Variants in KLHL20 observed in about 807,000 individuals in gnomAD.
The protein encoded by KLHL20 is kelch-like protein 20.
In KLHL20, 29 loss-of-function variants were observed where a neutral mutation model predicts 69.5. The ratio of observed to expected loss-of-function variants is 0.42; its 90% CI spans 0.31 to 0.57. The LOEUF (loss-of-function observed/expected upper bound fraction) is 0.57. Among genes scored for constraint, KLHL20 ranks in the 20% least tolerant of loss-of-function variants. The probability of loss-of-function intolerance (pLI) is 0.18; values close to 1 mark genes in which losing one functional copy is unlikely to be tolerated. For synonymous variants in KLHL20, 253 were observed against 265.2 expected (o/e 0.95, Z 0.45); for missense variants, 419 against 776.0 (o/e 0.54, Z 5.47).
chr1:173,737,518 G>A (rs1672592546), intron 3 of KLHL20, among the ~76,000 whole-genome samples: 1 of 152,190 alleles, frequency 6.6e-6, no homozygotes, highest in Non-Finnish European at 1.5e-5. Context: ...CTTTGTCAAA[G>A]ATCAGTTGGC....
chr1:173,769,111 C>G (rs1050266179), intron 8 of KLHL20, among the ~76,000 whole-genome samples: 2 of 152,294 alleles, frequency 1.3e-5, no homozygotes, highest in South Asian at 4.1e-4. Context: ...ACACTACTGG[C>G]GTTTTGGGTC....
At chr1:173,773,945 G>A (rs1273520976) in intron 8 of KLHL20, among the ~76,000 whole-genome samples, 1 of 151,010 alleles carries the variant, frequency 6.6e-6, no homozygotes, top group African/African-American at 2.4e-5. Context: ...CCCAGGAGGC[G>A]GAGCTTGCAG....
intron 5 of KLHL20, among the ~76,000 whole-genome samples, chr1:173,753,705 A>T (rs1673409140): frequency 6.6e-6 from 1 of 152,198 alleles, no homozygotes; most frequent in Non-Finnish European, 1.5e-5. Context: ...GGGGAATAGA[A>T]TCAGCCTTGC....
intron 3 of KLHL20, among the ~76,000 whole-genome samples, chr1:173,742,738 GTA>G (rs932144602): frequency 2.0e-5 from 3 of 150,388 alleles, no homozygotes; most frequent in African/African-American, 7.3e-5. Context: ...ATACATGTGT[GTA>G]TATATGTAAA....
chr1:173,778,666 T>G (rs1258720142), intron 10 of KLHL20, among the ~76,000 whole-genome samples: 1 of 152,104 alleles, frequency 6.6e-6, no homozygotes, highest in Non-Finnish European at 1.5e-5. Context: ...TCCGTTCAAG[T>G]TTTAGATTTC....
rs182351905 is a variant in KLHL20 at position 173,742,878 on chromosome 1, C to T, written c.597+8592C>T. Among the ~76,000 whole-genome samples, 315 of 151,576 alleles carry T rather than the reference C, an allele frequency of 2.1e-3. 1 individual carries two copies. The highest frequency in any genetic ancestry group is 7.1e-3 in the African/African-American group (292 of 41,412). On this transcript the variant is annotated intron_variant, in intron 3 of 11. Coordinates refer to ENST00000209884, the MANE Select transcript of KLHL20 (RefSeq NM_014458.4). ...CATTTTGGTACTACAGAAGAATCTACGCAGGATGCAATCCAGACACCATAA... is the reference window on the plus strand; with the variant it reads ...CATTTTGGTACTACAGAAGAATCTATGCAGGATGCAATCCAGACACCATAA...
rs1673585856 is a variant in KLHL20, at chr1:173,757,162, G to A, written c.1151+3G>A. On this transcript the variant is annotated splice_donor_region_variant and intron_variant, in intron 7 of 11. Transcript: ENST00000209884. ...TCTTATCTCAATAGTGTTGAAAGGTGAGTAAGGTCAATCTGTAATTTTCTC... is the reference window on the plus strand; with the variant it reads ...TCTTATCTCAATAGTGTTGAAAGGTAAGTAAGGTCAATCTGTAATTTTCTC... The A allele has an allele frequency of 6.3e-7, 1 of 1,597,914 alleles. No individual in the cohort carries two copies. Among genetic ancestry groups the A allele is most frequent in the Non-Finnish European group, 8.6e-7 (1 of 1,169,352 alleles).
At chr1:173,744,676 A>G (rs1054775671) in intron 3 of KLHL20, among the ~76,000 whole-genome samples, 1 of 152,132 alleles carries the variant, frequency 6.6e-6, no homozygotes, top group Non-Finnish European at 1.5e-5. Flanking sequence ...CCAAATGGCC[A>G]TCTAGTCTAA....
At chr1:173,776,767 C>T (rs1648500751) in intron 10 of KLHL20, among the ~76,000 whole-genome samples, 1 of 152,254 alleles carries the variant, frequency 6.6e-6, no homozygotes. Flanking sequence ...CCATTCTGTT[C>T]CATTGGTCTA....
chr1:173,734,322 T>C (rs778426018), intron 3 of KLHL20, 36 bp downstream of exon 3: 2 of 1,574,716 alleles, frequency 1.3e-6, no homozygotes, highest in Non-Finnish European at 8.7e-7. Context: ...CACCCATTTG[T>C]TGGAGAGCAA....
chr1:173,741,595 C>A (rs912691450), intron 3 of KLHL20: 1 of 427,554 alleles, frequency 2.3e-6, no homozygotes. Context: ...ATAAAAATTA[C>A]AAGACAAAAG....
rs1648312552 is a variant in KLHL20 at position 173,774,391 on chromosome 1, T to A, written c.1382T>A (p.Phe461Tyr). 1 of 1,613,986 alleles carries A rather than the reference T, an allele frequency of 6.2e-7. No individual in the cohort carries two copies. Among genetic ancestry groups the A allele is most frequent in the Admixed American group, 1.7e-5 (1 of 59,980 alleles). ...LGVAVAVLGG[F>Y]LYAVGGSDGT... is the part of the protein sequence containing the mutation. ...GTGGCTGTGGCTGTGTTAGGAGGGT[T>A]CTTATATGCTGTAGGTGGCTCTGAC... is the stretch of plus-strand genomic sequence containing the variant. Residue 461 changes from phenylalanine (F) to tyrosine (Y), a missense_variant, in exon 9 of 12, where the codon TTC becomes TAC. Transcript: ENST00000209884.
chr1:173,732,306 C>A (rs1672323413), intron 2 of KLHL20, among the ~76,000 whole-genome samples: 1 of 151,988 alleles, frequency 6.6e-6, no homozygotes, highest in Non-Finnish European at 1.5e-5. Flanking sequence ...GTGAGACCCT[C>A]ATCTCAAAAA....
chr1:173,729,118 A>G (rs145508490), intron 2 of KLHL20, among the ~76,000 whole-genome samples: 9,287 of 152,228 alleles, frequency 0.061, 1,000 homozygotes, highest in African/African-American at 0.21. Context: ...ATAAACTAGA[A>G]AATCTAGAAA....
intron 2 of KLHL20, among the ~76,000 whole-genome samples, chr1:173,727,077 C>T (rs967550873): frequency 1.2e-4 from 18 of 151,986 alleles, no homozygotes; most frequent in African/African-American, 3.1e-4. Flanking sequence ...TGAAAACCAC[C>T]GCACGAGAAC....
chr1:173,781,170 T>C (rs547997451), intron 10 of KLHL20, among the ~76,000 whole-genome samples: 1 of 152,152 alleles, frequency 6.6e-6, no homozygotes, highest in South Asian at 2.1e-4. Context: ...ACTGCAGCAA[T>C]AGGATTCATT....
intron 4 of KLHL20, among the ~76,000 whole-genome samples, chr1:173,752,996 C>T (rs1490740893): frequency 4.6e-5 from 7 of 151,608 alleles, no homozygotes; most frequent in Non-Finnish European, 7.4e-5. Context: ...GGTGATTCCC[C>T]GTTTCTACAA....
intron 10 of KLHL20, among the ~76,000 whole-genome samples, chr1:173,780,335 A>G (rs1648780178): frequency 6.6e-6 from 1 of 152,252 alleles, no homozygotes; most frequent in African/African-American, 2.4e-5. Context: ...ACCCTACAGT[A>G]GTGTTATATA....
At chr1:173,751,631 T>G in intron 3 of KLHL20, 133 bp from the exon 4 acceptor site, 1 of 678,240 alleles carries the variant, frequency 1.5e-6, no homozygotes, top group Non-Finnish European at 2.3e-6. Flanking sequence ...TTCAAATTTT[T>G]CCTTTCCTCT....
Sources: allele counts gnomAD v4.1 joint callset (sites outside exome capture counted in the v4.1 genomes callset), GRCh38; gene constraint gnomAD v4.1.1; transcripts MANE v1.5; gene names NCBI Gene and HGNC (gene_info 2026-07-23, HGNC 2026-07-21).